The following PCCA variants were observed in gnomAD, a reference collection of about 807,000 sequenced individuals.
The protein encoded by PCCA is propionyl-CoA carboxylase subunit alpha, also known as propionyl-CoA carboxylase alpha chain, mitochondrial.
Under a neutral mutation model 101.3 loss-of-function variants are expected in PCCA, and 74 were observed. The observed-to-expected ratio is 0.73, with a 90% CI of 0.61 to 0.89. The LOEUF is 0.89. Ranked by LOEUF, PCCA falls within the 40% of genes least tolerant of loss-of-function variation. PCCA has a pLI of 0.00. For synonymous variants in PCCA, 294 were observed against 313.6 expected (o/e 0.94, Z 0.66); for missense variants, 891 against 907.0 (o/e 0.98, Z 0.23).
intron 19 of PCCA, among the ~76,000 whole-genome samples, chr13:100,398,771 G>A (rs571361449): frequency 1.3e-5 from 2 of 152,156 alleles, no homozygotes; most frequent in East Asian, 3.9e-4. Flanking sequence ...ATATTGACAT[G>A]CAATTTTTAT....
intron 18 of PCCA, among the ~76,000 whole-genome samples, chr13:100,346,645 C>G (rs1377297276): frequency 6.6e-6 from 1 of 152,188 alleles, no homozygotes; most frequent in Non-Finnish European, 1.5e-5. Context: ...GAAAGAAGTT[C>G]TACTGTGGGA....
At chr13:100,318,697 T>C (rs1249666088) in intron 16 of PCCA, among the ~76,000 whole-genome samples, 1 of 152,132 alleles carries the variant, frequency 6.6e-6, no homozygotes, top group African/African-American at 2.4e-5. Flanking sequence ...TTCCATGGTG[T>C]ATATGTGCCA....
intron 12 of PCCA, among the ~76,000 whole-genome samples, chr13:100,296,968 A>G (rs1281406097): frequency 6.6e-6 from 1 of 152,206 alleles, no homozygotes; most frequent in Non-Finnish European, 1.5e-5. Flanking sequence ...AATCTGGAAT[A>G]ATCCTTAGTT....
chr13:100,455,790 C>T (rs1480878435), intron 21 of PCCA, among the ~76,000 whole-genome samples: 12 of 152,128 alleles, frequency 7.9e-5, no homozygotes, highest in Non-Finnish European at 1.5e-5. Flanking sequence ...ACCTCCACCT[C>T]CTGGGTTCAA....
chr13:100,421,337 T>C (rs2078736167), intron 19 of PCCA, among the ~76,000 whole-genome samples: 1 of 152,224 alleles, frequency 6.6e-6, no homozygotes, highest in African/African-American at 2.4e-5. Flanking sequence ...TAAGCATTTG[T>C]CCAGAGATAC....
intron 12 of PCCA, chr13:100,293,305 C>T (rs1463924795): frequency 2.2e-6 from 1 of 463,054 alleles, no homozygotes; most frequent in Non-Finnish European, 4.5e-6. Context: ...CTAATCTCAT[C>T]AGGGGGAATT....
chr13:100,313,294 A>G (rs1595271696), intron 16 of PCCA, among the ~76,000 whole-genome samples: 1 of 152,298 alleles, frequency 6.6e-6, no homozygotes, highest in East Asian at 1.9e-4. Flanking sequence ...TGCTGCACAG[A>G]TAGAGTCTAT....
intron 11 of PCCA, among the ~76,000 whole-genome samples, chr13:100,272,752 G>T (rs577524778): frequency 6.6e-6 from 1 of 152,256 alleles, no homozygotes; most frequent in Admixed American, 6.5e-5. Context: ...CTTAAGTATT[G>T]ATTTTGGGGT....
chr13:100,285,261 T>TC (rs1281727593), intron 12 of PCCA, among the ~76,000 whole-genome samples: 1 of 152,192 alleles, frequency 6.6e-6, no homozygotes. Flanking sequence ...GGGCAAATAC[T>TC]CTGGTGGGAA....
At chr13:100,278,084 A>G (rs959866002) in intron 12 of PCCA, among the ~76,000 whole-genome samples, 1 of 152,204 alleles carries the variant, frequency 6.6e-6, no homozygotes, top group Non-Finnish European at 1.5e-5. Flanking sequence ...TTTTGTGACT[A>G]TCTTTAGAAG....
chr13:100,404,285 A>G (rs1303159051), intron 19 of PCCA, among the ~76,000 whole-genome samples: 1 of 152,090 alleles, frequency 6.6e-6, no homozygotes, highest in Non-Finnish European at 1.5e-5. Flanking sequence ...AAAACTTCAC[A>G]CTTTTGCTGG....
intron 7 of PCCA, among the ~76,000 whole-genome samples, chr13:100,222,320 G>A (rs764064271): frequency 7.2e-5 from 11 of 151,900 alleles, no homozygotes; most frequent in South Asian, 4.2e-4. Flanking sequence ...TGGGTGATCC[G>A]CCCTCCTCAG....
intron 16 of PCCA, among the ~76,000 whole-genome samples, chr13:100,319,236 C>T (rs2067727658): frequency 6.6e-6 from 1 of 152,066 alleles, no homozygotes; most frequent in Admixed American, 6.6e-5. Flanking sequence ...TGGATATTAG[C>T]CCTTTGTCAG....
At chr13:100,385,284 A>G (rs1453451019) in intron 19 of PCCA, among the ~76,000 whole-genome samples, 2 of 152,234 alleles carry the variant, frequency 1.3e-5, no homozygotes, top group East Asian at 3.8e-4. Context: ...AATGCTTAAA[A>G]ATGTAAAAAT....
intron 12 of PCCA, among the ~76,000 whole-genome samples, chr13:100,274,657 G>C (rs1160455724): frequency 1.3e-5 from 2 of 152,134 alleles, no homozygotes; most frequent in African/African-American, 2.4e-5. Context: ...CCCTGCCTCA[G>C]TTGTCATATT....
At chr13:100,352,979 G>A (rs1249818567) in intron 18 of PCCA, among the ~76,000 whole-genome samples, 1 of 152,156 alleles carries the variant, frequency 6.6e-6, no homozygotes, top group African/African-American at 2.4e-5. Context: ...AGCCTTCCAA[G>A]TAGCTGGGAT....
At chr13:100,196,279 C>T (rs1228929598) in intron 6 of PCCA, among the ~76,000 whole-genome samples, 1 of 152,066 alleles carries the variant, frequency 6.6e-6, no homozygotes, top group African/African-American at 2.4e-5. Context: ...AATTTTTTGA[C>T]TTAATGTTTG....
In PCCA at chr13:100,180,152, G is replaced by A. The variant is rs76772811; in HGVS notation, c.468+22812G>A. 5.1e-3 allele frequency among the ~76,000 whole-genome samples: 770 copies of A among 152,274 alleles called. 7 individuals are homozygous for A. Among genetic ancestry groups the A allele is most frequent in the African/African-American group, 0.018 (744 of 41,562 alleles). On this transcript the variant is annotated intron_variant, in intron 6 of 23. Coordinates refer to ENST00000376285, the MANE Select transcript of PCCA (RefSeq NM_000282.4). ...TGTATCACTTCTGACCTAATGTGATGCACTTCTGTATCACTGTAACAACAG... is the reference window on the plus strand; with the variant it reads ...TGTATCACTTCTGACCTAATGTGATACACTTCTGTATCACTGTAACAACAG...
chr13:100,489,860 G>A (rs2084757140), intron 21 of PCCA: 1 of 152,210 alleles, frequency 6.6e-6, no homozygotes, highest in South Asian at 2.1e-4. Flanking sequence ...AAGTCTATGG[G>A]GAAGGTTGCT....
Sources: gnomAD v4.1 joint callset for allele counts (sites outside exome capture counted in the v4.1 genomes callset) on GRCh38, gnomAD v4.1.1 for gene constraint, MANE v1.5 for transcripts, NCBI Gene and HGNC (gene_info 2026-07-23, HGNC 2026-07-21) for gene names.